PPP4R3B: variants seen among roughly 807,000 people sequenced by gnomAD.
PPP4R3B encodes the protein protein phosphatase 4 regulatory subunit 3B.
PPP4R3B carries 52 observed loss-of-function variants against 95.4 expected under a neutral mutation model. That is an observed-to-expected ratio of 0.54 (90% confidence interval 0.44 to 0.69). The LOEUF is 0.69. Ranked by LOEUF, PPP4R3B falls within the 30% of genes least tolerant of loss-of-function variation. The pLI, the probability that PPP4R3B is intolerant of heterozygous loss-of-function variation, is 0.00. For missense variants in PPP4R3B, 1,003 were observed against 1,005.9 expected (o/e 1.00, Z 0.04); for synonymous variants, 407 against 343.9 (o/e 1.18, Z -2.03).
chr2:55,569,846 C>T (rs1370006216), intron 12 of PPP4R3B, among the ~76,000 whole-genome samples: 1 of 152,078 alleles, frequency 6.6e-6, no homozygotes, highest in African/African-American at 2.4e-5. Flanking sequence ...CATCTCTGCA[C>T]ACGGGGAGAA....
At chr2:55,610,869 G>GTT (rs11413034) in intron 2 of PPP4R3B, among the ~76,000 whole-genome samples, 4,023 of 140,378 alleles carry the variant, frequency 0.029, 103 homozygotes, top group Non-Finnish European at 0.04. Context: ...TATGACTCTG[G>GTT]TTTTTTTTTT....
At chr2:55,600,123 C>T (rs1191533855) in intron 3 of PPP4R3B, among the ~76,000 whole-genome samples, 1 of 152,146 alleles carries the variant, frequency 6.6e-6, no homozygotes, top group Non-Finnish European at 1.5e-5. Context: ...TTCAGGGAAG[C>T]TTTTTTGTTC....
intron 7 of PPP4R3B, among the ~76,000 whole-genome samples, chr2:55,583,008 A>T (rs1038780740): frequency 4.6e-5 from 7 of 152,144 alleles, no homozygotes; most frequent in Non-Finnish European, 1.0e-4. Flanking sequence ...AAAAAATGTT[A>T]ATATTTCCTT....
At chr2:55,580,374 T>C (rs2104221616) in intron 8 of PPP4R3B, among the ~76,000 whole-genome samples, 1 of 152,198 alleles carries the variant, frequency 6.6e-6, no homozygotes, top group African/African-American at 2.4e-5. Flanking sequence ...GTGTATTGAG[T>C]TTTTCCCAAG....
chr2:55,585,167 C>A lies in PPP4R3B; in HGVS notation c.1117G>T (p.Gly373Cys). The A allele has an allele frequency of 6.3e-7, 1 of 1,590,038 alleles. No individual in the cohort carries two copies. Residue 373 changes from glycine (G) to cysteine (C), a missense_variant and splice_region_variant, in exon 7 of 17, where the codon GGC becomes TGC. Transcript: ENST00000616407. ...GILPALEIVM[G>C]MDDLQVRSAA... ...GATCTGACTTGCAAATCATCCATGC[C>A]CTGATAAAAGGAAAATTAGGTTACT...
At chr2:55,599,243 G>C (rs963129238) in intron 3 of PPP4R3B, among the ~76,000 whole-genome samples, 3 of 152,006 alleles carry the variant, frequency 2.0e-5, no homozygotes, top group African/African-American at 7.2e-5. Flanking sequence ...TTCAAAACCA[G>C]CCTGGGCAAC....
chr2:55,606,019 C>A (rs1404212334), intron 2 of PPP4R3B, among the ~76,000 whole-genome samples: 2 of 150,896 alleles, frequency 1.3e-5, no homozygotes, highest in African/African-American at 2.4e-5. Context: ...TCAGTAAGAA[C>A]CTCCATATAT....
chr2:55,588,121 C>T (rs1199822202), intron 5 of PPP4R3B, among the ~76,000 whole-genome samples: 1 of 152,054 alleles, frequency 6.6e-6, no homozygotes, highest in Non-Finnish European at 1.5e-5. Flanking sequence ...GTTTATATCT[C>T]AAAGAAAATG....
At chr2:55,552,787 G>C (rs1223527960) in intron 16 of PPP4R3B, among the ~76,000 whole-genome samples, 2 of 152,196 alleles carry the variant, frequency 1.3e-5, no homozygotes, top group Admixed American at 6.5e-5. Flanking sequence ...AACAGGAGAA[G>C]AGAGAACAGC....
At position 55,586,650 on chromosome 2, in the gene PPP4R3B, A is replaced by G; in HGVS notation, c.1084T>C (p.Leu362=). 2 of 1,609,266 alleles carry G rather than the reference A, an allele frequency of 1.2e-6. No individual in the cohort carries two copies. The highest frequency in any genetic ancestry group is 1.7e-6 in the Non-Finnish European group (2 of 1,177,776). ...RDAFFKTLAK[L]GILPALEIVM... is the part of the protein sequence containing the mutation. ...ATTTCAAGAGCAGGAAGAATTCCCA[A>G]TTTTGCCAATGTTTTGAAAAATGCA... The change falls in exon 6 of 17, where the codon TTG becomes CTG. Residue 362 remains leucine (L), a synonymous_variant. Transcript: ENST00000616407.
intron 2 of PPP4R3B, among the ~76,000 whole-genome samples, chr2:55,609,538 G>A (rs1278053284): frequency 1.3e-5 from 2 of 151,668 alleles, no homozygotes; most frequent in African/African-American, 4.9e-5. Flanking sequence ...GCCAGGCATG[G>A]TGTGCACACC....
chr2:55,574,871 G>C (rs1425820116), intron 11 of PPP4R3B, among the ~76,000 whole-genome samples: 1 of 151,266 alleles, frequency 6.6e-6, no homozygotes, highest in East Asian at 1.9e-4. Context: ...TGGCATTACA[G>C]GCGTAAGCCA....
intron 2 of PPP4R3B, among the ~76,000 whole-genome samples, chr2:55,605,920 A>G (rs1219775267): frequency 1.3e-5 from 2 of 151,810 alleles, no homozygotes; most frequent in African/African-American, 2.4e-5. Context: ...AAAAAAAAAA[A>G]AAAAGAAATC....
At chr2:55,552,034 C>A (rs1389160425) in intron 16 of PPP4R3B, among the ~76,000 whole-genome samples, 1 of 152,110 alleles carries the variant, frequency 6.6e-6, no homozygotes, top group Non-Finnish European at 1.5e-5. Context: ...CATTTGTATT[C>A]CAAATGGTTA....
At position 55,587,485 on chromosome 2, in the gene PPP4R3B, G is replaced by A. The variant is rs545824812; in HGVS notation, c.1000-751C>T. On this transcript the variant is annotated intron_variant, in intron 5 of 16. Transcript: ENST00000616407. ...TGTAATCACAGCTACTCAGGAGGCT[G>A]AGGCACGAGAAGCGCTTGAACCCAG... Among the ~76,000 whole-genome samples, 22 of 152,372 alleles carry A rather than the reference G, an allele frequency of 1.4e-4. No homozygotes were observed. The East Asian group carries it at 3.3e-3, about 23-fold the overall frequency.
chr2:55,565,094 A>C, intron 13 of PPP4R3B, 53 bp from the exon 14 acceptor site: 1 of 1,387,772 alleles, frequency 7.2e-7, no homozygotes, highest in Non-Finnish European at 9.6e-7. Flanking sequence ...TTGTTAGAAG[A>C]AAAACTTTAA....
intron 9 of PPP4R3B, among the ~76,000 whole-genome samples, chr2:55,579,150 C>T (rs1455668314): frequency 1.3e-5 from 2 of 151,948 alleles, no homozygotes; most frequent in South Asian, 2.1e-4. Context: ...ACAGAAATTG[C>T]AGCTGATGAA....
At chr2:55,572,183 T>G (rs1418342767) in intron 12 of PPP4R3B, among the ~76,000 whole-genome samples, 3 of 151,952 alleles carry the variant, frequency 2.0e-5, no homozygotes, top group Non-Finnish European at 4.4e-5. Context: ...AATAAAGATA[T>G]TAGAAGAAAG....
intron 2 of PPP4R3B, 131 bp downstream of exon 2, chr2:55,615,320 G>A: frequency 1.4e-6 from 1 of 726,394 alleles, no homozygotes; most frequent in Middle Eastern, 3.0e-4. Flanking sequence ...TAACCTGCAA[G>A]AGAAATACAC....
Sources: allele counts gnomAD v4.1 joint callset (sites outside exome capture counted in the v4.1 genomes callset), GRCh38; gene constraint gnomAD v4.1.1; transcripts MANE v1.5; gene names NCBI Gene and HGNC (gene_info 2026-07-23, HGNC 2026-07-21).